EHBP1: variants seen among roughly 807,000 people sequenced by gnomAD.
The protein encoded by EHBP1 is EH domain-binding protein 1.
EHBP1 carries 55 observed loss-of-function variants against 144.0 expected under a neutral mutation model. The ratio of observed to expected loss-of-function variants is 0.38; its 90% CI spans 0.31 to 0.48. The LOEUF is 0.48. Ranked by LOEUF, EHBP1 falls within the 20% of genes least tolerant of loss-of-function variation. The pLI is 0.98. For synonymous variants in EHBP1, 469 were observed against 472.7 expected (o/e 0.99, Z 0.10); for missense variants, 1,200 against 1,364.2 (o/e 0.88, Z 1.90).
At chr2:62,935,328 CAAAAA>C (rs550896639) in intron 10 of EHBP1, among the ~76,000 whole-genome samples, 15 of 106,470 alleles carry the variant, frequency 1.4e-4, no homozygotes, top group South Asian at 3.2e-4. Flanking sequence ...GACTCCATCT[CAAAAA>C]AAAAAAAAAA....
chr2:62,971,514 C>T (rs1559003233), intron 14 of EHBP1, among the ~76,000 whole-genome samples: 2 of 152,100 alleles, frequency 1.3e-5, no homozygotes, highest in Admixed American at 6.6e-5. Flanking sequence ...TTTAAAAAAT[C>T]GTAATCACTG....
At position 62,979,311 on chromosome 2, in the gene EHBP1, A is replaced by G; in HGVS notation, c.2584A>G (p.Lys862Glu). 1 of 1,613,976 alleles carries G rather than the reference A, an allele frequency of 6.2e-7. No homozygotes were observed. Among genetic ancestry groups the G allele is most frequent in the Non-Finnish European group, 8.5e-7 (1 of 1,179,920 alleles). The change falls in exon 15 of 23, where the codon AAA becomes GAA. Residue 862 changes from lysine (K) to glutamate (E), a missense_variant. Coordinates refer to ENST00000431489, the MANE Select transcript of EHBP1 (RefSeq NM_001142616.3). Reference sequence around the variant, plus strand: ...TGGTGAAATGGCTGCAGAAAAGTTGAAAGAAAGGTCAAAGGCATCTGGAGG... The same window carrying G: ...TGGTGAAATGGCTGCAGAAAAGTTGGAAGAAAGGTCAAAGGCATCTGGAGG... ...SYGEMAAEKL[K>E]ERSKASGEQN...
intron 1 of EHBP1, among the ~76,000 whole-genome samples, chr2:62,684,828 A>G (rs1346437829): frequency 6.6e-6 from 1 of 152,168 alleles, no homozygotes; most frequent in Non-Finnish European, 1.5e-5. Flanking sequence ...GAAAGAGAGA[A>G]CGTTTATGTA....
intron 7 of EHBP1, among the ~76,000 whole-genome samples, chr2:62,857,510 T>C (rs1229970271): frequency 6.6e-6 from 1 of 152,218 alleles, no homozygotes; most frequent in African/African-American, 2.4e-5. Flanking sequence ...AACAGTACTT[T>C]TAATGTCAAA....
intron 7 of EHBP1, among the ~76,000 whole-genome samples, chr2:62,838,614 A>G (rs2047508746): frequency 6.6e-6 from 1 of 151,430 alleles, no homozygotes; most frequent in Non-Finnish European, 1.5e-5. Context: ...AAAGAAAAAA[A>G]GAGAGAAGAA....
intron 19 of EHBP1, among the ~76,000 whole-genome samples, chr2:63,012,815 A>G (rs1373052108): frequency 6.6e-6 from 1 of 152,204 alleles, no homozygotes; most frequent in Non-Finnish European, 1.5e-5. Context: ...CTTTTGGGTC[A>G]TCATTCAAGA....
At chr2:62,762,452 A>G (rs2040841100) in intron 3 of EHBP1, among the ~76,000 whole-genome samples, 1 of 152,244 alleles carries the variant, frequency 6.6e-6, no homozygotes, top group South Asian at 2.1e-4. Flanking sequence ...TTATTTGAAC[A>G]TCCACCCTTG....
intron 10 of EHBP1, among the ~76,000 whole-genome samples, chr2:62,907,494 A>G (rs1016548401): frequency 2.6e-5 from 4 of 152,194 alleles, no homozygotes; most frequent in African/African-American, 9.6e-5. Flanking sequence ...AGTCCAAGTC[A>G]CCAGCAGATT....
chr2:62,820,781 T>TATATATGC (rs58347952), intron 5 of EHBP1, among the ~76,000 whole-genome samples: 1 of 114,296 alleles, frequency 8.7e-6, no homozygotes, highest in Non-Finnish European at 1.8e-5. Context: ...TATATATATA[T>TATATATGC]GCACATCTAG....
intron 10 of EHBP1, among the ~76,000 whole-genome samples, chr2:62,894,967 C>G (rs1022716486): frequency 8.1e-6 from 1 of 123,712 alleles, no homozygotes; most frequent in Non-Finnish European, 1.7e-5. Flanking sequence ...ATGCTGCAGG[C>G]AAGCAGGCAG....
At chr2:62,704,178 C>T (rs377417652), upstream of EHBP1, among the ~76,000 whole-genome samples, 33 of 152,306 alleles carry the variant, frequency 2.2e-4, no homozygotes, top group African/African-American at 7.5e-4. Context: ...ATGATTATTA[C>T]GATTATCTTA....
intron 15 of EHBP1, among the ~76,000 whole-genome samples, chr2:62,983,024 T>C (rs2059035870): frequency 6.6e-6 from 1 of 152,186 alleles, no homozygotes; most frequent in South Asian, 2.1e-4. Context: ...CTAGCAGCCA[T>C]AGCCTAGCTT....
chr2:62,743,641 AC>A (rs2038913893), intron 2 of EHBP1, among the ~76,000 whole-genome samples: 1 of 152,096 alleles, frequency 6.6e-6, no homozygotes, highest in Non-Finnish European at 1.5e-5. Context: ...TTAAAGTTTC[AC>A]CTCACACATG....
At chr2:62,987,194 AT>A (rs1424052574) in intron 15 of EHBP1, among the ~76,000 whole-genome samples, 1 of 152,184 alleles carries the variant, frequency 6.6e-6, no homozygotes, top group East Asian at 1.9e-4. Context: ...AGAGGAAAAA[AT>A]ATCTACTAAA....
intron 10 of EHBP1, among the ~76,000 whole-genome samples, chr2:62,926,518 T>G (rs982057914): frequency 3.3e-5 from 5 of 151,958 alleles, no homozygotes; most frequent in Non-Finnish European, 7.4e-5. Context: ...TATGGGCAAA[T>G]GACCTGAACA....
intron 2 of EHBP1, among the ~76,000 whole-genome samples, chr2:62,712,159 G>T (rs987578844): frequency 4.6e-5 from 7 of 152,112 alleles, no homozygotes; most frequent in African/African-American, 1.7e-4. Context: ...AAAGAGAAAA[G>T]GATCCAGAAC....
chr2:62,914,170 A>G (rs535641747), intron 10 of EHBP1, among the ~76,000 whole-genome samples: 8 of 152,298 alleles, frequency 5.3e-5, no homozygotes, highest in Admixed American at 5.2e-4. Context: ...TTCTGAAATT[A>G]TAGAGCTAAA....
At chr2:63,008,810 A>G (rs1023840690) in intron 19 of EHBP1, among the ~76,000 whole-genome samples, 3 of 151,672 alleles carry the variant, frequency 2.0e-5, no homozygotes, top group Admixed American at 6.6e-5. Flanking sequence ...ATATGCAGAT[A>G]ATATTCTATA....
At chr2:62,810,634 G>A (rs59831223) in intron 5 of EHBP1, among the ~76,000 whole-genome samples, 2,417 of 152,320 alleles carry the variant, frequency 0.016, 77 homozygotes, top group African/African-American at 0.055. Flanking sequence ...CTCAGGGATA[G>A]GTCTGTCTAG....
Sources: gnomAD v4.1 joint callset for allele counts (sites outside exome capture counted in the v4.1 genomes callset) on GRCh38, gnomAD v4.1.1 for gene constraint, MANE v1.5 for transcripts, NCBI Gene and HGNC (gene_info 2026-07-23, HGNC 2026-07-21) for gene names.